Variants in MDGA2 observed in about 807,000 individuals in gnomAD.
MDGA2 encodes MAM domain-containing glycosylphosphatidylinositol anchor protein 2.
In MDGA2, 40 loss-of-function variants were observed where a neutral mutation model predicts 117.8. The observed-to-expected ratio is 0.34, with a 90% CI of 0.26 to 0.44. MDGA2 has a LOEUF of 0.44. Ranked by LOEUF, MDGA2 falls within the 20% of genes least tolerant of loss-of-function variation. MDGA2 has a pLI of 1.00. For missense variants in MDGA2, 1,123 were observed against 1,250.6 expected (o/e 0.90, Z 1.54); for synonymous variants, 452 against 439.0 (o/e 1.03, Z -0.37).
Position 47,618,575 on chromosome 14 carries a change from T to A in MDGA2, c.280+55942A>T, listed in dbSNP as rs548394644. Among the ~76,000 whole-genome samples the A allele has an allele frequency of 3.3e-5, 5 of 152,332 alleles. 1 individual carries two copies. The highest frequency in any genetic ancestry group is 9.6e-5 in the African/African-American group (4 of 41,576). On this transcript the variant is annotated intron_variant, in intron 1 of 16. Coordinates refer to ENST00000399232, the MANE Select transcript of MDGA2 (RefSeq NM_001113498.3). ...CTAAATGTGTTACAAGAAGGCACTGTATGTCGCTCATTTTTGCAATTTTTC... is the reference window on the plus strand; with the variant it reads ...CTAAATGTGTTACAAGAAGGCACTGAATGTCGCTCATTTTTGCAATTTTTC...
chr14:46,994,769 A>C (rs1887225483), intron 8 of MDGA2, among the ~76,000 whole-genome samples: 1 of 152,198 alleles, frequency 6.6e-6, no homozygotes, highest in South Asian at 2.1e-4. Flanking sequence ...TAAAGCTTCT[A>C]AAATTGAAAA....
chr14:47,632,627 T>C (rs576468735), intron 1 of MDGA2, among the ~76,000 whole-genome samples: 54 of 152,388 alleles, frequency 3.5e-4, no homozygotes, highest in African/African-American at 1.1e-3. Flanking sequence ...TTTTCCTTTA[T>C]GGTCTTATAG....
At chr14:47,569,355 A>G (rs182863887) in intron 1 of MDGA2, among the ~76,000 whole-genome samples, 1 of 152,320 alleles carries the variant, frequency 6.6e-6, no homozygotes, top group Admixed American at 6.5e-5. Context: ...ATGGATCTTG[A>G]GTACTGCTGG....
intron 1 of MDGA2, among the ~76,000 whole-genome samples, chr14:47,321,331 C>T (rs527862093): frequency 6.6e-6 from 1 of 152,198 alleles, no homozygotes; most frequent in Admixed American, 6.6e-5. Context: ...CTTTTTGACA[C>T]AGCTGGTGTT....
intron 1 of MDGA2, among the ~76,000 whole-genome samples, chr14:47,517,468 T>C (rs945215941): frequency 6.6e-5 from 10 of 152,156 alleles, no homozygotes; most frequent in African/African-American, 2.4e-4. Flanking sequence ...AAATACTATT[T>C]TTAATCTTCA....
chr14:46,895,751 C>A (rs1883052130), intron 10 of MDGA2, among the ~76,000 whole-genome samples: 1 of 151,626 alleles, frequency 6.6e-6, no homozygotes, highest in Admixed American at 6.6e-5. Flanking sequence ...AAAAGAATAA[C>A]TAGGTATATT....
intron 6 of MDGA2, among the ~76,000 whole-genome samples, chr14:47,068,004 C>T (rs988203903): frequency 6.6e-6 from 1 of 152,022 alleles, no homozygotes; most frequent in East Asian, 1.9e-4. Flanking sequence ...AACAAAAATA[C>T]GTTACACCCT....
At chr14:47,198,677 A>T (rs1324010385) in intron 3 of MDGA2, among the ~76,000 whole-genome samples, 3 of 152,214 alleles carry the variant, frequency 2.0e-5, no homozygotes, top group Admixed American at 2.0e-4. Flanking sequence ...AAAGCTTTCA[A>T]CCAGACTCAT....
intron 8 of MDGA2, among the ~76,000 whole-genome samples, chr14:47,004,691 A>G (rs1887649709): frequency 6.6e-6 from 1 of 151,782 alleles, no homozygotes; most frequent in African/African-American, 2.4e-5. Context: ...AATATTGAAT[A>G]TCACAATTTG....
chr14:47,583,672 A>G (rs1046195201), intron 1 of MDGA2, among the ~76,000 whole-genome samples: 1 of 151,688 alleles, frequency 6.6e-6, no homozygotes, highest in Non-Finnish European at 1.5e-5. Flanking sequence ...AAATCTCTGT[A>G]TTTGGATCTT....
intron 1 of MDGA2, among the ~76,000 whole-genome samples, chr14:47,342,100 C>T (rs1890642358): frequency 6.6e-6 from 1 of 151,968 alleles, no homozygotes; most frequent in African/African-American, 2.4e-5. Context: ...ATCCGCCTGC[C>T]TCATCCTCCC....
At chr14:47,217,215 C>T (rs886799990) in intron 3 of MDGA2, among the ~76,000 whole-genome samples, 2 of 151,998 alleles carry the variant, frequency 1.3e-5, no homozygotes, top group Admixed American at 6.6e-5. Context: ...TCAGTTGTTG[C>T]TTATGTCTAA....
chr14:47,350,254 C>T (rs1890849702), intron 1 of MDGA2, among the ~76,000 whole-genome samples: 1 of 152,130 alleles, frequency 6.6e-6, no homozygotes, highest in African/African-American at 2.4e-5. Flanking sequence ...GGCACTAGCG[C>T]ATTTCCTGGC....
chr14:47,307,509 A>C (rs191493877), intron 1 of MDGA2, among the ~76,000 whole-genome samples: 3 of 152,012 alleles, frequency 2.0e-5, no homozygotes, highest in African/African-American at 7.2e-5. Flanking sequence ...GGTGAAACCC[A>C]GTCTCTACTG....
chr14:47,050,880 C>T (rs1889434598), intron 7 of MDGA2, among the ~76,000 whole-genome samples: 2 of 151,938 alleles, frequency 1.3e-5, no homozygotes, highest in Admixed American at 1.3e-4. Flanking sequence ...GAGACTCTAA[C>T]ATCCTAACAC....
intron 1 of MDGA2, among the ~76,000 whole-genome samples, chr14:47,451,745 AT>A (rs1458558934): frequency 1.3e-5 from 2 of 152,048 alleles, no homozygotes; most frequent in Non-Finnish European, 1.5e-5. Context: ...TGCCCAGTGG[AT>A]TTTTTTATCC....
At chr14:47,574,067 A>C (rs575425173) in intron 1 of MDGA2, among the ~76,000 whole-genome samples, 1 of 152,310 alleles carries the variant, frequency 6.6e-6, no homozygotes, top group African/African-American at 2.4e-5. Flanking sequence ...AAGCAAAAAC[A>C]TTAGGTTATA....
At chr14:47,127,317 T>C (rs1358786434) in intron 5 of MDGA2, among the ~76,000 whole-genome samples, 1 of 152,146 alleles carries the variant, frequency 6.6e-6, no homozygotes, top group Non-Finnish European at 1.5e-5. Flanking sequence ...ATATCTCGCA[T>C]GCAATTACTT....
chr14:46,895,507 C>T (rs1389910253), intron 10 of MDGA2, among the ~76,000 whole-genome samples: 1 of 152,108 alleles, frequency 6.6e-6, no homozygotes, highest in African/African-American at 2.4e-5. Flanking sequence ...GGGTGGATCA[C>T]CTGAGGTCAG....
Sources: gnomAD v4.1 joint callset for allele counts (sites outside exome capture counted in the v4.1 genomes callset) on GRCh38, gnomAD v4.1.1 for gene constraint, MANE v1.5 for transcripts, NCBI Gene and HGNC (gene_info 2026-07-23, HGNC 2026-07-21) for gene names.